Variants in LCA5 observed in about 807,000 individuals in gnomAD.
The protein encoded by LCA5 is lebercilin LCA5.
LCA5 carries 37 observed loss-of-function variants against 53.0 expected under a neutral mutation model. The ratio of observed to expected loss-of-function variants is 0.70; its 90% CI spans 0.54 to 0.92. LCA5 has a LOEUF of 0.92. Ranked by LOEUF, LCA5 falls within the 40% of genes least tolerant of loss-of-function variation. The pLI, the probability that LCA5 is intolerant of heterozygous loss-of-function variation, is 0.00. For missense variants in LCA5, 806 were observed against 790.5 expected (o/e 1.02, Z -0.23); for synonymous variants, 303 against 282.9 (o/e 1.07, Z -0.71).
chr6:79,528,373 A>C (rs1766854549), intron 1 of LCA5, among the ~76,000 whole-genome samples: 1 of 152,072 alleles, frequency 6.6e-6, no homozygotes, highest in Non-Finnish European at 1.5e-5. Context: ...AGGCAATGGC[A>C]ATCACTCAGC....
intron 3 of LCA5, among the ~76,000 whole-genome samples, chr6:79,511,926 C>T (rs1770418419): frequency 6.6e-6 from 1 of 152,190 alleles, no homozygotes. Context: ...TCTCCCTCTC[C>T]ACCACCTGTC....
At chr6:79,516,508 TA>T (rs1369089650) in intron 2 of LCA5, among the ~76,000 whole-genome samples, 1 of 151,940 alleles carries the variant, frequency 6.6e-6, no homozygotes, top group Non-Finnish European at 1.5e-5. Context: ...TTTAGTCAGA[TA>T]AAAAAGGGTT....
chr6:79,504,572 G>GA (rs1770227020), intron 3 of LCA5, among the ~76,000 whole-genome samples: 1 of 152,190 alleles, frequency 6.6e-6, no homozygotes, highest in Admixed American at 6.6e-5. Flanking sequence ...GTCACTGGGT[G>GA]AACTCTGTGA....
At chr6:79,493,480 TA>T in intron 4 of LCA5, 132 bp downstream of exon 4, 1 of 862,738 alleles carries the variant, frequency 1.2e-6, no homozygotes, top group Non-Finnish European at 1.8e-6. Context: ...TTCTAAGTGC[TA>T]AAGATAATAT....
At chr6:79,525,154 C>G (rs1483332655) in intron 1 of LCA5, 1 of 152,036 alleles carries the variant, frequency 6.6e-6, no homozygotes, top group Non-Finnish European at 1.5e-5. Context: ...TCTTCTGATC[C>G]AAGAATTACC....
At chr6:79,504,855 T>G (rs142794575) in intron 3 of LCA5, among the ~76,000 whole-genome samples, 11 of 152,272 alleles carry the variant, frequency 7.2e-5, no homozygotes, top group African/African-American at 2.6e-4. Flanking sequence ...TATAACATGA[T>G]AATATGTAAA....
intron 2 of LCA5, among the ~76,000 whole-genome samples, chr6:79,518,052 G>A (rs111718701): frequency 4.6e-5 from 7 of 152,036 alleles, no homozygotes; most frequent in African/African-American, 1.4e-4. Context: ...AACTACAATG[G>A]GGTTTTCTTG....
At chr6:79,489,347 C>A in intron 6 of LCA5, 131 bp from the exon 7 acceptor site, 1 of 894,802 alleles carries the variant, frequency 1.1e-6, no homozygotes, top group South Asian at 1.6e-5. Context: ...ATTAATGAAT[C>A]AGTAAATCAC....
chr6:79,502,826 G>A (rs1770177898), intron 3 of LCA5, among the ~76,000 whole-genome samples: 1 of 151,970 alleles, frequency 6.6e-6, no homozygotes, highest in African/African-American at 2.4e-5. Flanking sequence ...ACAGATTACT[G>A]CAATTCTACT....
chr6:79,531,342 C>T (rs986524210), intron 1 of LCA5, among the ~76,000 whole-genome samples: 3 of 152,148 alleles, frequency 2.0e-5, no homozygotes, highest in African/African-American at 7.2e-5. Context: ...GATTGTGCGT[C>T]TGCAATTGTG....
chr6:79,503,089 C>T (rs566432589), intron 3 of LCA5, among the ~76,000 whole-genome samples: 3 of 152,114 alleles, frequency 2.0e-5, no homozygotes, highest in Non-Finnish European at 1.5e-5. Flanking sequence ...AACATGTTGG[C>T]TAGGCTGGTC....
intron 3 of LCA5, among the ~76,000 whole-genome samples, chr6:79,503,625 C>T (rs1435445717): frequency 1.3e-5 from 2 of 152,114 alleles, no homozygotes; most frequent in African/African-American, 4.8e-5. Flanking sequence ...ATTAGGTGTC[C>T]AGTAAGTACC....
chr6:79,522,097 T>TTA (rs1447240524), intron 1 of LCA5, among the ~76,000 whole-genome samples: 2 of 152,034 alleles, frequency 1.3e-5, no homozygotes, highest in Non-Finnish European at 2.9e-5. Context: ...ATTAAAAAAT[T>TTA]TATATATAAA....
At position 79,487,648 on chromosome 6, in the gene LCA5, G is replaced by C. The variant is rs753430630; in HGVS notation, c.1450C>G (p.Leu484Val). The C allele has an allele frequency of 7.4e-6, 12 of 1,613,994 alleles. No individual in the cohort carries two copies. Among genetic ancestry groups the C allele is most frequent in the African/African-American group, 1.3e-5 (1 of 75,032 alleles). The change falls in exon 8 of 8, where the codon CTA becomes GTA. Residue 484 changes from leucine to valine, a missense_variant. Coordinates refer to ENST00000369846, the MANE Select transcript of LCA5 (RefSeq NM_001122769.3). Reference protein sequence around the residue: ...IDRELQDSRNLKYPVLPLLPD... With the variant: ...IDRELQDSRNVKYPVLPLLPD... ...AACAATGGCAAAACAGGGTATTTTA[G>C]ATTTCGAGAATCTTGGAGTTCTCTG...
upstream of LCA5, among the ~76,000 whole-genome samples, chr6:79,538,591 C>G (rs1767226577): frequency 6.6e-6 from 1 of 152,200 alleles, no homozygotes; most frequent in African/African-American, 2.4e-5. Context: ...TCTGCTGACA[C>G]TGTTAAAATA....
At chr6:79,495,248 T>C (rs1049357916) in intron 3 of LCA5, among the ~76,000 whole-genome samples, 2 of 152,198 alleles carry the variant, frequency 1.3e-5, no homozygotes, top group Admixed American at 6.5e-5. Context: ...CTTGAAACCA[T>C]CCCCCTCAAC....
chr6:79,489,118 A>G lies in LCA5; in HGVS notation c.1197T>C (p.His399=), dbSNP rs1242510148. 2 of 1,613,354 alleles carry G rather than the reference A, an allele frequency of 1.2e-6. No individual in the cohort carries two copies. The highest frequency in any genetic ancestry group is 2.2e-5 in the East Asian group (1 of 44,856). The change falls in exon 7 of 8, where the codon CAT becomes CAC. Residue 399 remains histidine (H), a synonymous_variant. Coordinates refer to ENST00000369846, the MANE Select transcript of LCA5 (RefSeq NM_001122769.3). ...EEKFVTDEEL[H]VVKQEVEKLE... is the part of the protein sequence containing the mutation. The stretch of plus-strand genomic sequence containing the variant: ...GCTTTTCAACCTCCTGTTTTACGAC[A>G]TGGAGTTCTTCATCTGTAACAAATT...
intron 3 of LCA5, among the ~76,000 whole-genome samples, chr6:79,510,967 G>A (rs71565043): frequency 0.12 from 17,958 of 151,696 alleles, 1,189 homozygotes; most frequent in Non-Finnish European, 0.15. Flanking sequence ...CACTACTGAC[G>A]GGACAATAAA....
At position 79,513,271 on chromosome 6, in the gene LCA5, A is replaced by G; in HGVS notation, c.661T>C (p.Leu221=). The change falls in exon 3 of 8, where the codon TTG becomes CTG. Residue 221 remains leucine (L), a synonymous_variant. Transcript: ENST00000369846. ...EARHLPERDD[L]AKKLVSAELK... is the part of the protein sequence containing the mutation. ...TCTGCTGAAACTAGTTTCTTTGCCA[A>G]ATCATCTCGTTCAGGTAGGTGTCTA... The G allele has an allele frequency of 6.2e-7, 1 of 1,613,736 alleles. No homozygotes were observed. Among genetic ancestry groups the G allele is most frequent in the Non-Finnish European group, 8.5e-7 (1 of 1,179,802 alleles).
Sources: allele counts gnomAD v4.1 joint callset (sites outside exome capture counted in the v4.1 genomes callset), GRCh38; gene constraint gnomAD v4.1.1; transcripts MANE v1.5; gene names NCBI Gene and HGNC (gene_info 2026-07-23, HGNC 2026-07-21).